Variants in PFDN2 observed in about 807,000 individuals in gnomAD.
The protein encoded by PFDN2 is prefoldin subunit 2.
PFDN2 carries 7 observed loss-of-function variants against 18.3 expected under a neutral mutation model. The observed-to-expected ratio is 0.38, with a 90% confidence interval of 0.22 to 0.72. PFDN2 has a LOEUF of 0.72. Ranked by LOEUF, PFDN2 falls within the 30% of genes least tolerant of loss-of-function variation. The probability of loss-of-function intolerance (pLI) is 0.47; values close to 1 mark genes in which losing one functional copy is unlikely to be tolerated. For synonymous variants in PFDN2, 76 were observed against 75.0 expected (o/e 1.01, Z -0.07); for missense variants, 181 against 199.1 (o/e 0.91, Z 0.55).
At chr1:161,104,839 G>A (rs4347230) in intron 1 of PFDN2, among the ~76,000 whole-genome samples, 54,888 of 151,898 alleles carry the variant, frequency 0.36, 10,134 homozygotes, top group East Asian at 0.43. Context: ...AAACCAAGGA[G>A]TAATACTTCA....
At chr1:161,110,327 C>T (rs1214457110) in intron 1 of PFDN2, among the ~76,000 whole-genome samples, 2 of 152,084 alleles carry the variant, frequency 1.3e-5, no homozygotes, top group Non-Finnish European at 2.9e-5. Context: ...CACCACTGCA[C>T]TCCAGCCTGG....
At chr1:161,108,583 CA>C (rs980606536) in intron 1 of PFDN2, among the ~76,000 whole-genome samples, 17 of 148,962 alleles carry the variant, frequency 1.1e-4, no homozygotes, top group African/African-American at 2.0e-4. Context: ...AAACAAAAAA[CA>C]AAAAAAACCT....
intron 1 of PFDN2, among the ~76,000 whole-genome samples, chr1:161,117,273 G>A (rs1270801617): frequency 6.6e-6 from 1 of 152,174 alleles, no homozygotes; most frequent in African/African-American, 2.4e-5. Context: ...GCTGTTAACT[G>A]TTTTCATTTC....
intron 1 of PFDN2, among the ~76,000 whole-genome samples, chr1:161,107,412 G>A (rs1257091356): frequency 2.9e-4 from 38 of 129,950 alleles, no homozygotes; most frequent in Admixed American, 1.8e-3. Flanking sequence ...CTGACAGAGC[G>A]AGACTCTGTC....
chr1:161,117,848 A>G (rs1159813501), intron 1 of PFDN2, 104 bp downstream of exon 1: 1 of 1,034,660 alleles, frequency 9.7e-7, no homozygotes. Context: ...GGTGCCACGC[A>G]CATGTGGTGC....
intron 1 of PFDN2, among the ~76,000 whole-genome samples, chr1:161,109,725 G>A (rs1429491336): frequency 6.6e-6 from 1 of 152,090 alleles, no homozygotes; most frequent in Non-Finnish European, 1.5e-5. Flanking sequence ...CAGGCACGGT[G>A]GCTCACGCCT....
At chr1:161,105,188 C>T (rs762063948) in intron 1 of PFDN2, among the ~76,000 whole-genome samples, 1 of 152,144 alleles carries the variant, frequency 6.6e-6, no homozygotes, top group Non-Finnish European at 1.5e-5. Flanking sequence ...TTCTGATGCC[C>T]CAACTTTTAA....
intron 1 of PFDN2, among the ~76,000 whole-genome samples, chr1:161,114,100 T>C (rs1290280447): frequency 6.6e-6 from 1 of 152,240 alleles, no homozygotes; most frequent in Non-Finnish European, 1.5e-5. Flanking sequence ...TTTTTATCCA[T>C]AACCACGGCT....
At chr1:161,103,604 G>A (rs1375310075) in intron 1 of PFDN2, among the ~76,000 whole-genome samples, 6 of 134,754 alleles carry the variant, frequency 4.5e-5, no homozygotes, top group Non-Finnish European at 7.6e-5. Flanking sequence ...GGAATTGCTT[G>A]AACCCAGGAG....
At chr1:161,115,096 C>T (rs1216648821) in intron 1 of PFDN2, among the ~76,000 whole-genome samples, 1 of 152,138 alleles carries the variant, frequency 6.6e-6, no homozygotes, top group Non-Finnish European at 1.5e-5. Context: ...AAGAGTCTCG[C>T]TCTTTGCCCA....
At chr1:161,108,767 G>T (rs1048619540) in intron 1 of PFDN2, among the ~76,000 whole-genome samples, 2 of 152,076 alleles carry the variant, frequency 1.3e-5, no homozygotes, top group Admixed American at 1.3e-4. Flanking sequence ...GCAATATCAT[G>T]ATTATATCTC....
chr1:161,111,835 T>C (rs1441239952), intron 1 of PFDN2, among the ~76,000 whole-genome samples: 1 of 152,234 alleles, frequency 6.6e-6, no homozygotes, highest in Non-Finnish European at 1.5e-5. Flanking sequence ...TTTTTATTGA[T>C]TCATAATCAT....
chr1:161,113,703 C>A (rs1019436729), intron 1 of PFDN2, among the ~76,000 whole-genome samples: 30 of 152,128 alleles, frequency 2.0e-4, no homozygotes, highest in African/African-American at 7.2e-4. Context: ...ATCACCTGAG[C>A]CTTGGGAGGT....
At chr1:161,110,964 C>T (rs532577095) in intron 1 of PFDN2, among the ~76,000 whole-genome samples, 2 of 152,018 alleles carry the variant, frequency 1.3e-5, no homozygotes, top group East Asian at 1.9e-4. Flanking sequence ...CTCAGCCTCC[C>T]GAGTAGGTGG....
chr1:161,110,378 A>C lies in PFDN2; in HGVS notation c.75+7574T>G, dbSNP rs556934092. Among the ~76,000 whole-genome samples, 5 of 152,260 alleles carry C rather than the reference A, an allele frequency of 3.3e-5. No homozygotes were observed. In the South Asian group the frequency reaches 1.0e-3, roughly 32 times the overall value. The stretch of plus-strand genomic sequence containing the variant: ...TCCGTCTCCAAAAATAAAAAATAAA[A>C]TAACCTAGTGAAGTGCAGAAATCAT... On this transcript the variant is annotated intron_variant, in intron 1 of 3. Transcript: ENST00000368010.
chr1:161,113,890 A>C (rs1654857816), intron 1 of PFDN2, among the ~76,000 whole-genome samples: 1 of 152,242 alleles, frequency 6.6e-6, no homozygotes, highest in South Asian at 2.1e-4. Context: ...TAAATCTTGT[A>C]ATGTTTTACC....
intron 1 of PFDN2, among the ~76,000 whole-genome samples, chr1:161,113,731 G>A (rs958075906): frequency 2.0e-5 from 3 of 152,114 alleles, no homozygotes; most frequent in East Asian, 1.9e-4. Context: ...GCAGTGAGCC[G>A]TGATCGCACC....
At chr1:161,104,296 A>G (rs1429852279) in intron 1 of PFDN2, among the ~76,000 whole-genome samples, 1 of 152,154 alleles carries the variant, frequency 6.6e-6, no homozygotes, top group Non-Finnish European at 1.5e-5. Context: ...TCATCTGACA[A>G]CAGTGGACTC....
At chr1:161,101,847 A>G (rs1457397718) in intron 3 of PFDN2, among the ~76,000 whole-genome samples, 1 of 152,160 alleles carries the variant, frequency 6.6e-6, no homozygotes, top group Non-Finnish European at 1.5e-5. Flanking sequence ...TCGACATTTT[A>G]GGCTCAGGTG....
Sources: allele counts gnomAD v4.1 joint callset (sites outside exome capture counted in the v4.1 genomes callset), GRCh38; gene constraint gnomAD v4.1.1; transcripts MANE v1.5; gene names NCBI Gene and HGNC (gene_info 2026-07-23, HGNC 2026-07-21).